ELF4: variants seen among roughly 807,000 people sequenced by gnomAD.
The protein encoded by ELF4 is E74 like ETS transcription factor 4.
A neutral mutation model predicts 31.7 loss-of-function variants in ELF4; 10 were observed. That is an observed-to-expected ratio of 0.32 (90% CI 0.19 to 0.54). The LOEUF (loss-of-function observed/expected upper bound fraction) is 0.54, where lower values mean the gene tolerates loss of function less well. Among genes scored for constraint, ELF4 ranks in the 20% least tolerant of loss-of-function variants. The pLI is 0.95. For missense variants in ELF4, 418 were observed against 522.0 expected, an observed-to-expected ratio of 0.80 and a Z score of 1.94; for synonymous variants, 208 against 226.7, an observed-to-expected ratio of 0.92 and a Z score of 0.74.
At chrX:130,097,264 C>T (rs1933167410) in intron 1 of ELF4, among the ~76,000 whole-genome samples, 2 of 109,372 alleles carry the variant, frequency 1.8e-5, no homozygotes, top group South Asian at 8.0e-4. Context: ...ATGGAGAAAC[C>T]CCGTCTCTAC....
At chrX:130,070,787 A>AAAG (rs1327827523) in intron 7 of ELF4, among the ~76,000 whole-genome samples, 13 of 92,734 alleles carry the variant, frequency 1.4e-4, no homozygotes, top group East Asian at 7.1e-4. Flanking sequence ...AAAAAAAAAA[A>AAAG]AAAGAAAGAA....
intron 2 of ELF4, among the ~76,000 whole-genome samples, chrX:130,076,364 T>TA (rs1198136557): frequency 2.7e-5 from 3 of 110,173 alleles, no homozygotes; most frequent in South Asian, 3.8e-4. Context: ...TATCTCTATT[T>TA]AAAAAAAAAT....
chrX:130,084,877 C>G (rs779350171), intron 1 of ELF4, among the ~76,000 whole-genome samples: 52 of 112,458 alleles, frequency 4.6e-4, no homozygotes, highest in African/African-American at 1.5e-3. Context: ...GAACCCGAAA[C>G]CAAAGATGCC....
intron 1 of ELF4, among the ~76,000 whole-genome samples, chrX:130,097,391 C>T (rs1400035085): frequency 3.6e-5 from 4 of 109,793 alleles, no homozygotes; most frequent in East Asian, 2.8e-4. Flanking sequence ...GAGTTGAGAT[C>T]GCGCCACTGC....
At chrX:130,067,606 G>C in intron 8 of ELF4, 81 bp from the exon 9 acceptor site, 1 of 987,578 alleles carries the variant, frequency 1.0e-6, no homozygotes, top group Non-Finnish European at 1.4e-6. Context: ...GAGAGGAATG[G>C]AGCTGAAGGT....
chrX:130,093,755 C>T (rs138470012), intron 1 of ELF4, among the ~76,000 whole-genome samples: 321 of 111,887 alleles, frequency 2.9e-3, no homozygotes, highest in African/African-American at 9.7e-3. Flanking sequence ...TTGGCTTCCC[C>T]GTAGTGATAT....
At chrX:130,094,093 G>A (rs1294852959) in intron 1 of ELF4, among the ~76,000 whole-genome samples, 1 of 111,839 alleles carries the variant, frequency 8.9e-6, no homozygotes, top group Non-Finnish European at 1.9e-5. Flanking sequence ...TTGGCCGGGT[G>A]TGGTGGCTCA....
intron 1 of ELF4, among the ~76,000 whole-genome samples, chrX:130,101,726 G>T (rs188369140): frequency 9.4e-4 from 104 of 110,740 alleles, no homozygotes; most frequent in Non-Finnish European, 1.8e-3. Flanking sequence ...TTGAACCCGG[G>T]AGGCAGAGGT....
At chrX:130,108,322 C>CAA (rs1411156615) in intron 1 of ELF4, among the ~76,000 whole-genome samples, 1 of 102,484 alleles carries the variant, frequency 9.8e-6, no homozygotes, top group South Asian at 4.6e-4. Flanking sequence ...AAACAAAAAC[C>CAA]AAAAAAAAAA....
intron 1 of ELF4, among the ~76,000 whole-genome samples, chrX:130,093,954 G>A (rs183481874): frequency 5.2e-4 from 58 of 112,303 alleles, no homozygotes; most frequent in African/African-American, 1.1e-3. Context: ...AGCAGGGGCC[G>A]GGCGTGGTGG....
intron 2 of ELF4, among the ~76,000 whole-genome samples, chrX:130,079,746 A>G (rs35453611): frequency 0.096 from 10,668 of 111,100 alleles, 1,135 homozygotes; most frequent in African/African-American, 0.31. Flanking sequence ...TTGGAAGGTA[A>G]GAACTGCTTC....
At chrX:130,086,441 AGAG>A (rs1186763230) in intron 1 of ELF4, among the ~76,000 whole-genome samples, 1 of 111,667 alleles carries the variant, frequency 9.0e-6, no homozygotes, top group Non-Finnish European at 1.9e-5. Context: ...GATCTGTCCC[AGAG>A]GAGGAGTGAT....
Position 130,065,378 on chromosome X carries a change from C to T in ELF4, c.*1343G>A, listed in dbSNP as rs1932639909. 5.8e-6 allele frequency: 1 copy of T among 173,331 alleles called. No individual in the cohort carries two copies. The highest frequency in any genetic ancestry group is 1.1e-5 in the Non-Finnish European group (1 of 91,081). 14.3% of individuals were successfully genotyped at this position (173,331 alleles called of 1,213,427 possible). On this transcript the variant is annotated 3_prime_UTR_variant, in exon 9 of 9. Transcript: ENST00000308167. ...GAGGGAAGGGGGAAGCAGGGAGCCA[C>T]GAAGAGAGAGAGGTGCCACGGGAAC...
rs747811485 is a variant in ELF4, at chrX:130,090,378, A to C, written c.-209-8839T>G. Among the ~76,000 whole-genome samples, 4 of 109,830 alleles carry C rather than the reference A, an allele frequency of 3.6e-5. No homozygotes were observed. In the East Asian group the frequency reaches 1.1e-3, roughly 31 times the overall value. ...ACAGAGCAAGACTCTGTCTCAAAAA[A>C]AAAAAAGAAGAAGAAGAAGAAGAAG... On this transcript the variant is annotated intron_variant, in intron 1 of 8. Coordinates refer to ENST00000308167, the MANE Select transcript of ELF4 (RefSeq NM_001421.4).
chrX:130,110,474 C>G lies in ELF4; in HGVS notation c.-359G>C, dbSNP rs1181095356. 9.1e-6 allele frequency: 1 copy of G among 110,042 alleles called. No homozygotes were observed. Among genetic ancestry groups the G allele is most frequent in the South Asian group, 3.7e-4 (1 of 2,685 alleles). 9.1% of individuals were successfully genotyped at this position (110,042 alleles called of 1,213,427 possible). A position where few individuals can be genotyped will look rare whatever the true frequency, so the allele number is the denominator to read the frequency against. ...CGGGCCGGGCGAGCGGCGCCAGGAA[C>G]TCGGCGCCGGCGAAAGGAGAAGTGG... is the stretch of plus-strand genomic sequence containing the variant. On this transcript the variant is annotated 5_prime_UTR_variant, in exon 1 of 9. Transcript: ENST00000308167.
In ELF4 at chrX:130,080,380, C is replaced by T. The variant is rs187048265; in HGVS notation, c.75+876G>A. On this transcript the variant is annotated intron_variant, in intron 2 of 8. Transcript: ENST00000308167. The stretch of plus-strand genomic sequence containing the variant: ...CAGAGGTTGCAGTGAGCTGAGAACA[C>T]GCCACTGGACTCCAGCCTGGGCGAC... Among the ~76,000 whole-genome samples, 9 of 99,519 alleles carry T rather than the reference C, an allele frequency of 9.0e-5. No homozygotes were observed. In the East Asian group the frequency reaches 2.5e-3, roughly 28 times the overall value. 86.4% of individuals were successfully genotyped at this position (99,519 alleles called of 115,157 possible).
chrX:130,072,132 G>C, intron 5 of ELF4, 94 bp downstream of exon 5: 1 of 1,082,594 alleles, frequency 9.2e-7, no homozygotes, highest in Non-Finnish European at 1.3e-6. Flanking sequence ...ACACCAGAGA[G>C]CTGGCCTCTT....
intron 2 of ELF4, among the ~76,000 whole-genome samples, chrX:130,077,316 A>T (rs1243850415): frequency 2.0e-5 from 2 of 101,713 alleles, no homozygotes; most frequent in African/African-American, 3.7e-5. Context: ...TTTTTTTGAG[A>T]TGGAGTTTTG....
rs866443903 is a variant in ELF4 at position 130,069,652 on chromosome X, C to T, written c.835G>A (p.Ala279Thr). 8.3e-7 allele frequency: 1 copy of T among 1,212,007 alleles called. No individual in the cohort carries two copies. Among genetic ancestry groups the T allele is most frequent in the Non-Finnish European group, 1.1e-6 (1 of 895,588 alleles). Residue 279 changes from alanine to threonine, a missense_variant, in exon 8 of 9, where the codon GCC becomes ACC. This residue lies in a region of ELF4 where 35 missense variants were observed against 84.0 expected (regional missense o/e 0.42). Transcript: ENST00000308167. Reference protein sequence around the residue: ...LRYYYQRGILAKVEGQRLVYQ... With the variant: ...LRYYYQRGILTKVEGQRLVYQ... Reference sequence around the variant, plus strand: ...ACCAGCCTCTGCCCTTCCACTTTGGCCAGTATGCCTCTTTGGTAGTAGTAT... The same window carrying T: ...ACCAGCCTCTGCCCTTCCACTTTGGTCAGTATGCCTCTTTGGTAGTAGTAT...
Sources: allele counts gnomAD v4.1 joint callset (sites outside exome capture counted in the v4.1 genomes callset), GRCh38; gene constraint gnomAD v4.1.1; regional missense constraint gnomAD v4.1.1; transcripts MANE v1.5; gene names NCBI Gene and HGNC (gene_info 2026-07-23, HGNC 2026-07-21).